STXBP4: variants seen among roughly 807,000 people sequenced by gnomAD.
STXBP4 encodes the protein syntaxin-binding protein 4.
A neutral mutation model predicts 76.1 loss-of-function variants in STXBP4; 55 were observed. The ratio of observed to expected loss-of-function variants is 0.72; its 90% CI spans 0.58 to 0.91. The LOEUF (loss-of-function observed/expected upper bound fraction) is 0.91. Among genes scored for constraint, STXBP4 ranks in the 40% least tolerant of loss-of-function variants. The pLI is 0.00. For missense variants in STXBP4, 618 were observed against 636.9 expected, an observed-to-expected ratio of 0.97 and a Z score of 0.32; for synonymous variants, 201 against 220.2, an observed-to-expected ratio of 0.91 and a Z score of 0.77.
chr17:55,043,495 T>A, intron 11 of STXBP4, 170 bp downstream of exon 11: 2 of 895,790 alleles, frequency 2.2e-6, no homozygotes, highest in Non-Finnish European at 3.3e-6. Flanking sequence ...AGAGAATTAA[T>A]TTTTGGTCTA....
rs147248053 is a variant in STXBP4 at position 55,164,062 on chromosome 17, C to A, written c.*4151C>A. On this transcript the variant is annotated 3_prime_UTR_variant, in exon 18 of 18. Coordinates refer to ENST00000376352, the MANE Select transcript of STXBP4 (RefSeq NM_178509.6). ...TTTACAATGTACATAAAGAACTGAA[C>A]TATTATTAAAACAACTTACACACTC... 1.2e-4 allele frequency: 18 copies of A among 152,676 alleles called. No homozygotes were observed. The highest frequency in any genetic ancestry group is 1.3e-4 in the Non-Finnish European group (9 of 68,030). 9.5% of individuals were successfully genotyped at this position (152,676 alleles called of 1,614,324 possible).
intron 4 of STXBP4, 38 bp from the exon 5 acceptor site, chr17:54,999,307 C>A: frequency 6.8e-7 from 1 of 1,473,410 alleles, no homozygotes; most frequent in Non-Finnish European, 9.2e-7. Flanking sequence ...TTTTAAATAC[C>A]TCATTAGTTC....
intron 8 of STXBP4, among the ~76,000 whole-genome samples, chr17:55,011,379 A>T (rs2078105716): frequency 6.6e-6 from 1 of 151,920 alleles, no homozygotes; most frequent in Non-Finnish European, 1.5e-5. Flanking sequence ...GACATTGCTA[A>T]TGTATTTCTT....
the STXBP4 span, among the ~76,000 whole-genome samples, chr17:55,213,187 G>A: frequency 6.6e-6 from 1 of 152,122 alleles, no homozygotes; most frequent in African/African-American, 2.4e-5. Context: ...CTGGGACCAG[G>A]TAAGAACCAG....
chr17:55,132,915 G>T (rs1341809252), intron 16 of STXBP4, among the ~76,000 whole-genome samples: 2 of 152,216 alleles, frequency 1.3e-5, no homozygotes, highest in Admixed American at 6.5e-5. Flanking sequence ...CAAAGGCCCT[G>T]AAGCAGGAAC....
chr17:54,989,487 A>G (rs966339074), intron 3 of STXBP4, among the ~76,000 whole-genome samples: 6 of 152,292 alleles, frequency 3.9e-5, no homozygotes, highest in African/African-American at 1.4e-4. Flanking sequence ...CTAACACAAC[A>G]ACAAAGTAGA....
chr17:55,187,727 T>G, the STXBP4 span, among the ~76,000 whole-genome samples: 1 of 152,246 alleles, frequency 6.6e-6, no homozygotes, highest in Non-Finnish European at 1.5e-5. Flanking sequence ...GACCACGGGA[T>G]GGCTGTGAGG....
At chr17:55,002,147 C>A (rs781364317) in intron 7 of STXBP4, among the ~76,000 whole-genome samples, 7 of 152,022 alleles carry the variant, frequency 4.6e-5, no homozygotes, top group Non-Finnish European at 7.4e-5. Flanking sequence ...AAACTGGGAA[C>A]CCTTATGAGA....
chr17:54,985,789 TA>T (rs1416353069), intron 2 of STXBP4, 98 bp downstream of exon 2: 1 of 155,632 alleles, frequency 6.4e-6, no homozygotes, highest in African/African-American at 2.4e-5. Context: ...ACATTTTCCT[TA>T]ATCTTTAACT....
intron 12 of STXBP4, among the ~76,000 whole-genome samples, chr17:55,055,289 T>C (rs1238227161): frequency 6.6e-6 from 1 of 152,110 alleles, no homozygotes; most frequent in African/African-American, 2.4e-5. Context: ...AGGACTGCCA[T>C]TTAAAATATT....
intron 16 of STXBP4, among the ~76,000 whole-genome samples, chr17:55,081,458 G>A (rs183556894): frequency 6.6e-6 from 1 of 152,270 alleles, no homozygotes; most frequent in East Asian, 1.9e-4. Context: ...AGCAGCACTG[G>A]AAACTGGAGG....
intron 8 of STXBP4, 183 bp from the exon 9 acceptor site, chr17:55,030,985 A>G (rs775519109): frequency 1.0e-5 from 5 of 485,000 alleles, no homozygotes; most frequent in South Asian, 3.1e-5. Flanking sequence ...AGGTAGTAGT[A>G]AAATCAGGAA....
chr17:55,073,884 C>T (rs533829142), intron 13 of STXBP4, among the ~76,000 whole-genome samples: 217 of 152,318 alleles, frequency 1.4e-3, no homozygotes, highest in African/African-American at 5.2e-3. Flanking sequence ...CAGTCTCGGC[C>T]TTCCAAAGTG....
At chr17:55,043,867 G>A in intron 11 of STXBP4, 1 of 537,172 alleles carries the variant, frequency 1.9e-6, no homozygotes, top group South Asian at 2.6e-5. Flanking sequence ...TTGTGTTTTT[G>A]AGACAGGGTC....
chr17:55,140,492 C>T (rs555101424), intron 16 of STXBP4, among the ~76,000 whole-genome samples: 69 of 152,168 alleles, frequency 4.5e-4, no homozygotes, highest in Middle Eastern at 3.4e-3. Flanking sequence ...AAATCCTTAG[C>T]AGTACTTGGA....
chr17:54,980,007 A>G lies in STXBP4; in HGVS notation c.-156-5607A>G, dbSNP rs141133022. 3.4e-4 allele frequency among the ~76,000 whole-genome samples: 51 copies of G among 149,420 alleles called. 1 individual carries two copies. In the East Asian group the frequency reaches 7.9e-3, roughly 23 times the overall value. ...GCAATGACAGCTTAATAAATCATCTACTTATTTGTTTGTGACAGGTGTCTG... is the reference window on the plus strand; with the variant it reads ...GCAATGACAGCTTAATAAATCATCTGCTTATTTGTTTGTGACAGGTGTCTG... On this transcript the variant is annotated intron_variant, in intron 1 of 17. Coordinates refer to ENST00000376352, the MANE Select transcript of STXBP4 (RefSeq NM_178509.6).
intron 16 of STXBP4, among the ~76,000 whole-genome samples, chr17:55,081,851 T>C (rs1456119911): frequency 1.3e-5 from 2 of 152,138 alleles, no homozygotes. Context: ...AGTAAGGCAA[T>C]GCTCTAAGTA....
chr17:55,005,440 T>A (rs2077989404), intron 7 of STXBP4, among the ~76,000 whole-genome samples: 1 of 152,224 alleles, frequency 6.6e-6, no homozygotes, highest in Non-Finnish European at 1.5e-5. Context: ...TGAAGATTAA[T>A]GAGCTTATAT....
the STXBP4 span, among the ~76,000 whole-genome samples, chr17:55,208,290 G>A: frequency 6.6e-6 from 1 of 151,994 alleles, no homozygotes; most frequent in Non-Finnish European, 1.5e-5. Context: ...CAGTGTTGTT[G>A]ACTTGACTAC....
Sources: allele counts gnomAD v4.1 joint callset (sites outside exome capture counted in the v4.1 genomes callset), GRCh38; gene constraint gnomAD v4.1.1; transcripts MANE v1.5; gene names NCBI Gene and HGNC (gene_info 2026-07-23, HGNC 2026-07-21).